Variants in NFASC observed in about 807,000 individuals in gnomAD.
NFASC encodes neurofascin homolog.
Under a neutral mutation model 147.5 loss-of-function variants are expected in NFASC, and 43 were observed. That is an observed-to-expected ratio of 0.29 (90% confidence interval 0.23 to 0.38). The LOEUF is 0.38. Ranked by LOEUF, NFASC falls within the 10% of genes least tolerant of loss-of-function variation. The probability of loss-of-function intolerance (pLI) is 1.00; values close to 1 mark genes in which losing one functional copy is unlikely to be tolerated. For missense variants in NFASC, 1,320 were observed against 1,689.0 expected (o/e 0.78, Z 3.83); for synonymous variants, 622 against 665.5 (o/e 0.93, Z 1.01).
Position 204,853,907 on chromosome 1 carries a change from G to A in NFASC, c.-200+25125G>A, listed in dbSNP as rs140486753. 5.2e-3 allele frequency among the ~76,000 whole-genome samples: 796 copies of A among 152,284 alleles called. 7 individuals carry two copies. The highest frequency in any genetic ancestry group is 0.018 in the African/African-American group (740 of 41,554). ...CCCATCCATAGGGGAGAGAGGGGGA[G>A]GAAAGAGACAGGCCACAAGAGAGCT... On this transcript the variant is annotated intron_variant, in intron 1 of 29. Coordinates refer to ENST00000339876, the MANE Select transcript of NFASC (RefSeq NM_001005388.3).
chr1:204,830,043 G>T (rs936275053), intron 1 of NFASC, among the ~76,000 whole-genome samples: 18 of 129,018 alleles, frequency 1.4e-4, no homozygotes, highest in Admixed American at 1.5e-4. Flanking sequence ...GTGTGTGTGT[G>T]TGTTGAGCAG....
chr1:204,863,802 C>A (rs1420581700), intron 1 of NFASC, among the ~76,000 whole-genome samples: 1 of 146,082 alleles, frequency 6.8e-6, no homozygotes, highest in Non-Finnish European at 1.5e-5. Context: ...GAGCCAAGAT[C>A]GCGCCACTTT....
intron 24 of NFASC, among the ~76,000 whole-genome samples, chr1:204,994,441 G>A (rs1235017866): frequency 6.6e-6 from 1 of 152,214 alleles, no homozygotes; most frequent in Non-Finnish European, 1.5e-5. Flanking sequence ...ATCCTGGGAA[G>A]TGTGTGCCCC....
chr1:204,917,299 T>C (rs538012793), intron 1 of NFASC, among the ~76,000 whole-genome samples: 2 of 152,356 alleles, frequency 1.3e-5, no homozygotes, highest in Middle Eastern at 3.4e-3. Flanking sequence ...TTCAGAAGAA[T>C]TTCAAGAATT....
intron 1 of NFASC, among the ~76,000 whole-genome samples, chr1:204,917,111 G>A (rs866611520): frequency 3.9e-5 from 6 of 152,268 alleles, no homozygotes; most frequent in Middle Eastern, 6.8e-3. Context: ...CAGCTACTTG[G>A]GAGGCTGAAG....
chr1:204,876,076 G>A (rs375488577), intron 1 of NFASC, among the ~76,000 whole-genome samples: 2 of 152,110 alleles, frequency 1.3e-5, no homozygotes, highest in Non-Finnish European at 2.9e-5. Context: ...GGCATGGGGC[G>A]CTCTTGCTTT....
In NFASC at chr1:205,012,792, C is replaced by T; in HGVS notation, c.3422-5C>T. The T allele has an allele frequency of 6.2e-7, 1 of 1,610,202 alleles. No individual in the cohort carries two copies. Among genetic ancestry groups the T allele is most frequent in the African/African-American group, 1.3e-5 (1 of 74,956 alleles). ...TCTGTGTCTTTGCTTCTCCTTTTGA[C>T]CAAGTACGAGAAAAGAAGGATGTTC... On this transcript the variant is annotated splice_region_variant and splice_polypyrimidine_tract_variant and intron_variant, in intron 28 of 29. Coordinates refer to ENST00000339876, the MANE Select transcript of NFASC (RefSeq NM_001005388.3).
chr1:204,885,526 C>T (rs1322532846), intron 1 of NFASC, among the ~76,000 whole-genome samples: 3 of 152,096 alleles, frequency 2.0e-5, no homozygotes, highest in African/African-American at 7.2e-5. Flanking sequence ...TGCAACCCAC[C>T]GTCAGAGAAA....
At position 204,979,585 on chromosome 1, in the gene NFASC, A is replaced by G; in HGVS notation, c.2176+26A>G. 1.2e-6 allele frequency: 2 copies of G among 1,607,856 alleles called. No homozygotes were observed. Among genetic ancestry groups the G allele is most frequent in the Non-Finnish European group, 1.7e-6 (2 of 1,175,214 alleles). On this transcript the variant is annotated intron_variant, in intron 19 of 29. Transcript: ENST00000339876. This position sits in a 1 kb window ranked among gnomAD's most constrained non-coding sequence, Gnocchi z 6.0. ...GTGAGTACCCGAGGGCTGCCAGAGA[A>G]GGCTCCGGAACCCCGCACCCCAAAC... is the stretch of plus-strand genomic sequence containing the variant.
At chr1:204,924,901 A>G (rs545018518) in intron 2 of NFASC, among the ~76,000 whole-genome samples, 24 of 152,238 alleles carry the variant, frequency 1.6e-4, no homozygotes, top group Non-Finnish European at 2.8e-4. Flanking sequence ...TTTGAGATGG[A>G]GTTTTGCTCT....
At position 205,012,875 on chromosome 1, in the gene NFASC, T is replaced by G. The variant is rs1261153198; in HGVS notation, c.3491+9T>G. On this transcript the variant is annotated intron_variant, in intron 29 of 29. Transcript: ENST00000339876. ...GGCTCATTTGACTATAGGTGCGTGATCTCCCTCCTCCTCTCTCAGGCAGGC... is the reference window on the plus strand; with the variant it reads ...GGCTCATTTGACTATAGGTGCGTGAGCTCCCTCCTCCTCTCTCAGGCAGGC... 6.2e-7 allele frequency: 1 copy of G among 1,602,698 alleles called. No individual in the cohort carries two copies. Among genetic ancestry groups the G allele is most frequent in the East Asian group, 2.2e-5 (1 of 44,834 alleles).
chr1:205,013,585 A>G (rs2802846), intron 29 of NFASC, among the ~76,000 whole-genome samples: 100,595 of 152,056 alleles, frequency 0.66, 33,854 homozygotes, highest in African/African-American at 0.74. Flanking sequence ...TTCTATACCC[A>G]TGCTCCTGTC....
intron 25 of NFASC, 115 bp from the exon 26 acceptor site, chr1:205,001,055 G>C: frequency 1.4e-6 from 1 of 711,186 alleles, no homozygotes; most frequent in Non-Finnish European, 2.6e-6. Flanking sequence ...ACATGTGTGC[G>C]TGCGCGAGTG....
intron 1 of NFASC, among the ~76,000 whole-genome samples, chr1:204,918,810 T>A (rs1030711523): frequency 9.2e-5 from 14 of 152,238 alleles, no homozygotes; most frequent in African/African-American, 3.4e-4. Flanking sequence ...GGTCTCGAAC[T>A]CCTGACCTCA....
At chr1:204,966,704 TG>T (rs1336050817) in intron 8 of NFASC, among the ~76,000 whole-genome samples, 2 of 152,188 alleles carry the variant, frequency 1.3e-5, no homozygotes, top group African/African-American at 2.4e-5. Context: ...AGAAATAATA[TG>T]GGTTAAACTG....
intron 1 of NFASC, among the ~76,000 whole-genome samples, chr1:204,900,706 G>T (rs1284450340): frequency 6.6e-6 from 1 of 152,188 alleles, no homozygotes; most frequent in Non-Finnish European, 1.5e-5. Flanking sequence ...GCAATTTCAG[G>T]TCAGGCAGCC....
At chr1:204,880,577 G>A (rs962051009) in intron 1 of NFASC, among the ~76,000 whole-genome samples, 3 of 152,010 alleles carry the variant, frequency 2.0e-5, no homozygotes, top group Non-Finnish European at 4.4e-5. Context: ...GGATGGTCTC[G>A]ATCTCCTGAC....
At chr1:204,977,450 T>C (rs956416852) in intron 16 of NFASC, among the ~76,000 whole-genome samples, 3 of 152,090 alleles carry the variant, frequency 2.0e-5, no homozygotes, top group Admixed American at 2.0e-4. Context: ...CCAGACACGA[T>C]AGTCACATTG....
At chr1:204,974,509 A>G (rs2095350084) in intron 13 of NFASC, 148 bp from the exon 14 acceptor site, 1 of 1,003,282 alleles carries the variant, frequency 1.0e-6, no homozygotes, top group Non-Finnish European at 1.6e-6. Flanking sequence ...CCTGGTGGCT[A>G]GAGGCAGACC....
Sources: gnomAD v4.1 joint callset for allele counts (sites outside exome capture counted in the v4.1 genomes callset) on GRCh38, gnomAD v4.1.1 for gene constraint, Gnocchi (gnomAD v3.1) non-coding constraint, MANE v1.5 for transcripts, NCBI Gene and HGNC (gene_info 2026-07-23, HGNC 2026-07-21) for gene names.